Variants in RIMS1 observed in about 807,000 individuals in gnomAD.
RIMS1 encodes the protein regulating synaptic membrane exocytosis protein 1.
In RIMS1, 83 loss-of-function variants were observed where a neutral mutation model predicts 214.1. The ratio of observed to expected loss-of-function variants is 0.39; its 90% CI spans 0.32 to 0.47. The LOEUF is 0.47. Ranked by LOEUF, RIMS1 falls within the 20% of genes least tolerant of loss-of-function variation. The pLI is 0.99. For synonymous variants in RIMS1, 793 were observed against 786.8 expected, an observed-to-expected ratio of 1.01 and a Z score of -0.13; for missense variants, 2,050 against 2,161.8, an observed-to-expected ratio of 0.95 and a Z score of 1.03.
intron 31 of RIMS1, among the ~76,000 whole-genome samples, chr6:72,393,918 C>T (rs1317050800): frequency 1.3e-5 from 2 of 151,846 alleles, no homozygotes; most frequent in Non-Finnish European, 2.9e-5. Flanking sequence ...ATACTCGGCC[C>T]CAAGCAAGGC....
intron 2 of RIMS1, among the ~76,000 whole-genome samples, chr6:72,029,448 G>T (rs1050758804): frequency 1.3e-5 from 2 of 152,094 alleles, no homozygotes; most frequent in Non-Finnish European, 2.9e-5. Context: ...CATTACAAAC[G>T]AGGCTGAATG....
At chr6:72,285,661 G>A (rs1353158520) in intron 24 of RIMS1, among the ~76,000 whole-genome samples, 1 of 152,120 alleles carries the variant, frequency 6.6e-6, no homozygotes, top group Admixed American at 6.5e-5. Flanking sequence ...TTGATCAATC[G>A]ATAGATAGAT....
In RIMS1 at chr6:72,162,883, G is replaced by A. The variant is rs1170804707; in HGVS notation, c.472-16692G>A. ...TATGTGTCTTGGAGTTGCTCTTCTC[G>A]AGGAGTATCTTTGTGTCATTCTCTG... On this transcript the variant is annotated intron_variant, in intron 4 of 33. Transcript: ENST00000521978. Among the ~76,000 whole-genome samples, 6 of 138,836 alleles carry A rather than the reference G, an allele frequency of 4.3e-5. 1 individual carries two copies. Among genetic ancestry groups the A allele is most frequent in the East Asian group, 2.0e-4 (1 of 4,896 alleles). 91.1% of individuals were successfully genotyped at this position (138,836 alleles called of 152,430 possible).
rs1024519230 is a variant in RIMS1, at chr6:72,390,837, T to A, written c.4505+101T>A. ...GAGTGTTACTGTGCAGCTTCTCTAT[T>A]TAATCAGAAGTTCAACCATCCATTT... On this transcript the variant is annotated intron_variant, in intron 30 of 33. Transcript: ENST00000521978. The A allele has an allele frequency of 1.8e-5, 25 of 1,411,470 alleles. 1 individual carries two copies. The Admixed American group carries it at 5.1e-4, about 29-fold the overall frequency. The allele number at this position is 1,411,470 out of a possible 1,614,324, so 87.4% of individuals were successfully genotyped here. A position where few individuals can be genotyped will look rare whatever the true frequency, so the allele number is the denominator to read the frequency against.
At chr6:72,216,861 G>T (rs1045013400) in intron 6 of RIMS1, 7 of 1,031,406 alleles carry the variant, frequency 6.8e-6, no homozygotes, top group Non-Finnish European at 8.1e-6. Context: ...AGCTAAAAGA[G>T]CTTTAGTGTA....
chr6:72,216,418 C>G (rs933466685), intron 6 of RIMS1: 1 of 985,042 alleles, frequency 1.0e-6, no homozygotes, highest in African/African-American at 1.7e-5. Flanking sequence ...GATGAGCCAC[C>G]GTTAGCACTA....
At chr6:72,138,673 AT>A (rs911113267) in intron 4 of RIMS1, among the ~76,000 whole-genome samples, 9 of 152,198 alleles carry the variant, frequency 5.9e-5, no homozygotes, top group East Asian at 1.9e-4. Flanking sequence ...CAACAAAAAA[AT>A]ATAAAAAGTA....
At position 72,120,486 on chromosome 6, in the gene RIMS1, C is replaced by T. The variant is rs190070075; in HGVS notation, c.471+20500C>T. Among the ~76,000 whole-genome samples, 8 of 148,682 alleles carry T rather than the reference C, an allele frequency of 5.4e-5. 1 individual carries two copies. The highest frequency in any genetic ancestry group is 1.3e-4 in the Admixed American group (2 of 15,002). ...AGTATCTGTTCATATCCTTTGCCCA[C>T]TTGTTGATGGGGTTGTTTGATTTTT... On this transcript the variant is annotated intron_variant, in intron 4 of 33. Transcript: ENST00000521978.
chr6:71,941,874 A>G (rs1169785475), intron 1 of RIMS1, among the ~76,000 whole-genome samples: 3 of 152,218 alleles, frequency 2.0e-5, no homozygotes, highest in South Asian at 2.1e-4. Flanking sequence ...CCAGGACCAT[A>G]CAGGAAATTA....
At chr6:71,904,936 C>T (rs1029483699) in intron 1 of RIMS1, among the ~76,000 whole-genome samples, 1 of 152,042 alleles carries the variant, frequency 6.6e-6, no homozygotes, top group African/African-American at 2.4e-5. Flanking sequence ...TTCATGAAAT[C>T]GTTAGCTCTA....
intron 1 of RIMS1, among the ~76,000 whole-genome samples, chr6:71,917,825 G>T (rs763935147): frequency 6.6e-6 from 1 of 152,234 alleles, no homozygotes; most frequent in Admixed American, 6.5e-5. Context: ...TTTCAAAAGT[G>T]AAGCGAAAAG....
chr6:72,396,992 G>A (rs892370590), intron 31 of RIMS1, among the ~76,000 whole-genome samples: 5 of 152,096 alleles, frequency 3.3e-5, no homozygotes, highest in African/African-American at 7.2e-5. Flanking sequence ...CAACCTGGAC[G>A]ACAGAGCAAG....
chr6:72,333,984 A>G, intron 29 of RIMS1, 149 bp downstream of exon 29: 1 of 635,418 alleles, frequency 1.6e-6, no homozygotes, highest in Non-Finnish European at 2.8e-6. Flanking sequence ...AATCTGCTAA[A>G]TTTATGGGTT....
In RIMS1 at chr6:72,049,616, A is replaced by G. The variant is rs138840070; in HGVS notation, c.246-47333A>G. Among the ~76,000 whole-genome samples, 1,422 of 152,324 alleles carry G rather than the reference A, an allele frequency of 9.3e-3. 12 individuals carry two copies. The highest frequency in any genetic ancestry group is 0.031 in the African/African-American group (1,296 of 41,574). ...GAGGTACGAGGTAAGGTCAGCAAAC[A>G]ACATAAAATAAGTTCTTACTTCACT... On this transcript the variant is annotated intron_variant, in intron 2 of 33. Transcript: ENST00000521978.
At chr6:71,930,172 A>G (rs1034775049) in intron 1 of RIMS1, among the ~76,000 whole-genome samples, 6 of 152,070 alleles carry the variant, frequency 3.9e-5, no homozygotes, top group Non-Finnish European at 7.4e-5. Context: ...CGTTTCTACC[A>G]ATACTATTTC....
At chr6:72,010,034 G>C (rs996970341) in intron 2 of RIMS1, among the ~76,000 whole-genome samples, 10 of 152,000 alleles carry the variant, frequency 6.6e-5, no homozygotes, top group African/African-American at 2.4e-4. Flanking sequence ...ACAAAAAAGA[G>C]AATTTTAGAC....
At chr6:72,384,872 A>G (rs555154996) in intron 29 of RIMS1, among the ~76,000 whole-genome samples, 5 of 152,334 alleles carry the variant, frequency 3.3e-5, no homozygotes, top group South Asian at 4.1e-4. Context: ...TTGGTGATTA[A>G]TGAGTATTTA....
intron 6 of RIMS1, among the ~76,000 whole-genome samples, chr6:72,196,417 A>G (rs555504782): frequency 7.8e-5 from 11 of 141,648 alleles, no homozygotes; most frequent in South Asian, 6.8e-4. Flanking sequence ...CTATCTATCT[A>G]TCTAACTGGG....
At chr6:72,324,546 G>A (rs748756542) in intron 28 of RIMS1, among the ~76,000 whole-genome samples, 6 of 151,900 alleles carry the variant, frequency 3.9e-5, no homozygotes, top group Non-Finnish European at 7.4e-5. Flanking sequence ...ACAGAAAGTG[G>A]TGGATGGAAC....
Sources: gnomAD v4.1 joint callset for allele counts (sites outside exome capture counted in the v4.1 genomes callset) on GRCh38, gnomAD v4.1.1 for gene constraint, MANE v1.5 for transcripts, NCBI Gene and HGNC (gene_info 2026-07-23, HGNC 2026-07-21) for gene names.